CC2D2B: variants seen among roughly 807,000 people sequenced by gnomAD.
The protein encoded by CC2D2B is coiled-coil and C2 domain containing 2B.
A neutral mutation model predicts 161.2 loss-of-function variants in CC2D2B; 128 were observed. The ratio of observed to expected loss-of-function variants is 0.79; its 90% CI spans 0.69 to 0.92. The LOEUF (loss-of-function observed/expected upper bound fraction) is 0.92, where lower values mean the gene tolerates loss of function less well. Ranked by LOEUF, CC2D2B falls within the 40% of genes least tolerant of loss-of-function variation. The pLI is 0.00. For synonymous variants in CC2D2B, 391 were observed against 449.8 expected (o/e 0.87, Z 1.65); for missense variants, 1,173 against 1,375.1 (o/e 0.85, Z 2.32).
chr10:95,963,446 T>A (rs1428050225), intron 12 of CC2D2B, among the ~76,000 whole-genome samples: 1 of 152,154 alleles, frequency 6.6e-6, no homozygotes, highest in Non-Finnish European at 1.5e-5. Flanking sequence ...ATGTTGAAGT[T>A]GATATGCCTT....
chr10:96,030,376 C>G (rs2080014252), intron 34 of CC2D2B, among the ~76,000 whole-genome samples: 5 of 151,888 alleles, frequency 3.3e-5, no homozygotes, highest in Admixed American at 3.3e-4. Context: ...CTCTTCTTCC[C>G]TATAAACTGG....
intron 3 of CC2D2B, 64 bp from the exon 4 acceptor site, chr10:95,924,250 C>A: frequency 1.3e-6 from 1 of 794,126 alleles, no homozygotes. Flanking sequence ...AATACTTTTG[C>A]TGCTATTGTT....
intron 33 of CC2D2B, among the ~76,000 whole-genome samples, chr10:96,026,850 C>T (rs2079801098): frequency 6.6e-6 from 1 of 152,118 alleles, no homozygotes; most frequent in African/African-American, 2.4e-5. Flanking sequence ...AGGCTGGGCA[C>T]GGTGGCTTAC....
intron 20 of CC2D2B, among the ~76,000 whole-genome samples, chr10:95,990,136 T>G (rs549925817): frequency 1.3e-5 from 2 of 152,232 alleles, no homozygotes; most frequent in African/African-American, 2.4e-5. Context: ...GAGCACCTAT[T>G]ATAATCCCTG....
intron 18 of CC2D2B, 44 bp downstream of exon 18, chr10:95,982,157 C>G: frequency 8.7e-7 from 1 of 1,147,788 alleles, no homozygotes; most frequent in Non-Finnish European, 1.1e-6. Context: ...ATTCTATTTC[C>G]TAAGCTCTAC....
At chr10:95,939,881 T>A (rs2075963334) in intron 9 of CC2D2B, among the ~76,000 whole-genome samples, 1 of 152,200 alleles carries the variant, frequency 6.6e-6, no homozygotes, top group Middle Eastern at 3.2e-3. Context: ...TGAGCCCTCA[T>A]ATAATGTACT....
intron 11 of CC2D2B, among the ~76,000 whole-genome samples, chr10:95,959,270 G>A (rs2076682571): frequency 6.6e-6 from 1 of 152,074 alleles, no homozygotes; most frequent in East Asian, 1.9e-4. Context: ...TCAAAGTATG[G>A]TCCCCAGACC....
intron 24 of CC2D2B, among the ~76,000 whole-genome samples, chr10:96,003,488 G>A (rs896629261): frequency 3.3e-5 from 5 of 151,802 alleles, no homozygotes; most frequent in Middle Eastern, 3.4e-3. Context: ...GCGTGATCTC[G>A]ACTCACTGCA....
At chr10:95,936,451 C>T (rs564276786) in intron 6 of CC2D2B, among the ~76,000 whole-genome samples, 1 of 152,280 alleles carries the variant, frequency 6.6e-6, no homozygotes, top group Admixed American at 6.5e-5. Flanking sequence ...CTGCTTGTCA[C>T]ACCACAGTTA....
intron 6 of CC2D2B, among the ~76,000 whole-genome samples, chr10:95,928,559 G>GC (rs1278684999): frequency 6.6e-6 from 1 of 151,774 alleles, no homozygotes; most frequent in Non-Finnish European, 1.5e-5. Flanking sequence ...GCCTCCCCTC[G>GC]CCCCCACCCC....
intron 6 of CC2D2B, among the ~76,000 whole-genome samples, chr10:95,931,367 G>A (rs1239421497): frequency 1.3e-5 from 2 of 151,936 alleles, no homozygotes; most frequent in Non-Finnish European, 2.9e-5. Flanking sequence ...AGAGTTTTTT[G>A]TGTCTCTATC....
chr10:95,959,850 G>T (rs2076701727), intron 11 of CC2D2B, among the ~76,000 whole-genome samples: 1 of 152,052 alleles, frequency 6.6e-6, no homozygotes, highest in East Asian at 1.9e-4. Context: ...TGTTACTTCA[G>T]TATTCTAAAA....
intron 24 of CC2D2B, chr10:96,000,356 T>TAAAA (rs2078427620): frequency 2.9e-6 from 1 of 349,484 alleles, no homozygotes; most frequent in Non-Finnish European, 4.0e-6. Context: ...AATAAATAAA[T>TAAAA]AAAATGTATT....
Position 96,013,827 on chromosome 10 carries a change from C to A in CC2D2B, c.3466C>A (p.Pro1156Thr). 1.2e-6 allele frequency: 2 copies of A among 1,601,666 alleles called. No individual in the cohort carries two copies. Among genetic ancestry groups the A allele is most frequent in the Non-Finnish European group, 1.7e-6 (2 of 1,173,080 alleles). Residue 1156 changes from proline to threonine, a missense_variant, in exon 29 of 35, where the codon CCT becomes ACT. By Grantham distance (38) the Pro-to-Thr change is conservative. Around this residue, in one of 3 missense-constraint regions of CC2D2B, gnomAD observed 598 missense variants for 693.2 expected, o/e 0.86. Coordinates refer to ENST00000646931, the MANE Select transcript of CC2D2B (RefSeq NM_001349008.3). ...ATTTGTATCTTTGATTCCTTTTGTG[C>A]CTAATACACCAGATGAAAATGATGG... ...ARFVSLIPFV[P>T]NTPDENDGSD...
chr10:95,929,161 C>CT (rs1251887853), intron 6 of CC2D2B, among the ~76,000 whole-genome samples: 3 of 152,020 alleles, frequency 2.0e-5, no homozygotes, highest in Non-Finnish European at 2.9e-5. Context: ...TGATGGTGAG[C>CT]TTTTTTTTCA....
chr10:95,967,082 A>C (rs760465349), intron 14 of CC2D2B, among the ~76,000 whole-genome samples: 1 of 152,114 alleles, frequency 6.6e-6, no homozygotes. Flanking sequence ...GTAATCAATA[A>C]ATGTTTATAT....
intron 11 of CC2D2B, among the ~76,000 whole-genome samples, chr10:95,956,759 AACTTATGC>A (rs2076580095): frequency 6.6e-6 from 1 of 152,192 alleles, no homozygotes; most frequent in Non-Finnish European, 1.5e-5. Context: ...ATTTGCATAT[AACTTATGC>A]ACATCCTCTC....
At chr10:95,996,937 C>T (rs1159261076) in intron 24 of CC2D2B, among the ~76,000 whole-genome samples, 2 of 152,178 alleles carry the variant, frequency 1.3e-5, no homozygotes, top group African/African-American at 4.8e-5. Context: ...AGTGTGGGTT[C>T]ACTTTCTTCT....
At chr10:96,011,266 G>T (rs78052475) in intron 26 of CC2D2B, among the ~76,000 whole-genome samples, 1 of 152,188 alleles carries the variant, frequency 6.6e-6, no homozygotes, top group Non-Finnish European at 1.5e-5. Flanking sequence ...GGATTCCTAT[G>T]TTTTTAAGTC....
Sources: gnomAD v4.1 joint callset for allele counts (sites outside exome capture counted in the v4.1 genomes callset) on GRCh38, gnomAD v4.1.1 for gene constraint, gnomAD v4.1.1 regional missense constraint, MANE v1.5 for transcripts, NCBI Gene and HGNC (gene_info 2026-07-23, HGNC 2026-07-21) for gene names.